The following ZSCAN30 variants were observed in gnomAD, a reference collection of about 807,000 sequenced individuals.
ZSCAN30 encodes zinc finger and SCAN domain containing 30, also known as zinc finger and SCAN domain-containing protein 30.
Under a neutral mutation model 44.3 loss-of-function variants are expected in ZSCAN30, and 37 were observed. The ratio of observed to expected loss-of-function variants is 0.84; its 90% CI spans 0.64 to 1.10. The LOEUF (loss-of-function observed/expected upper bound fraction) is 1.10. ZSCAN30 is among the 50% of genes least tolerant of loss of function. The pLI, the probability that ZSCAN30 is intolerant of heterozygous loss-of-function variation, is 0.00. For missense variants in ZSCAN30, 549 were observed against 582.6 expected, an observed-to-expected ratio of 0.94 and a Z score of 0.59; for synonymous variants, 181 against 204.6, an observed-to-expected ratio of 0.88 and a Z score of 0.98.
rs74677218 is a variant in ZSCAN30, at chr18:35,272,712, T to C, written c.-103-8257A>G. Among the ~76,000 whole-genome samples the C allele has an allele frequency of 8.9e-3, 1,362 of 152,324 alleles. 11 individuals carry two copies. The highest frequency in any genetic ancestry group is 0.014 in the Admixed American group (209 of 15,306). On this transcript the variant is annotated intron_variant, in intron 1 of 3. Coordinates refer to ENST00000333206, the MANE Select transcript of ZSCAN30 (RefSeq NM_001112734.4). ...ATTTACCATTTTAACCATTTTTAAG[T>C]GTACATTTCTGTATTAGTCCGTTTT...
Position 35,254,377 on chromosome 18 carries a change from G to A in ZSCAN30, c.558C>T (p.Gly186=). ...QESQAFQERD[G]RMVAGKVLMA... Reference sequence around the variant, plus strand: ...TCAACACTTTGCCAGCCACCATCCTGCCATCTAAAAATGTGAATAGAAAGT... The same window carrying A: ...TCAACACTTTGCCAGCCACCATCCTACCATCTAAAAATGTGAATAGAAAGT... The change falls in exon 4 of 4, where the codon GGC becomes GGT. Residue 186 remains glycine (G), a synonymous_variant. Transcript: ENST00000333206. The A allele has an allele frequency of 6.2e-7, 1 of 1,613,876 alleles. No individual in the cohort carries two copies. The highest frequency in any genetic ancestry group is 8.5e-7 in the Non-Finnish European group (1 of 1,179,844).
chr18:35,272,425 G>A lies in ZSCAN30; in HGVS notation c.-103-7970C>T, dbSNP rs371099904. 1.9e-3 allele frequency among the ~76,000 whole-genome samples: 277 copies of A among 148,704 alleles called. 2 individuals carry two copies. The highest frequency in any genetic ancestry group is 6.6e-3 in the African/African-American group (266 of 40,388). ...TGCAGTGGCACAATCTCGGCTCACT[G>A]CAACCTCAGCCTCCCAGCTTCAAGC... is the stretch of plus-strand genomic sequence containing the variant. On this transcript the variant is annotated intron_variant, in intron 1 of 3. Transcript: ENST00000333206.
intron 1 of ZSCAN30, chr18:35,267,218 A>C (rs1001310385): frequency 1.3e-5 from 2 of 152,068 alleles, no homozygotes; most frequent in Admixed American, 1.3e-4. Flanking sequence ...CGAGTGTCAG[A>C]CTCCTGAGCC....
At chr18:35,271,235 T>A (rs2044268096) in intron 1 of ZSCAN30, among the ~76,000 whole-genome samples, 1 of 152,208 alleles carries the variant, frequency 6.6e-6, no homozygotes, top group African/African-American at 2.4e-5. Flanking sequence ...CACATCCTAC[T>A]GATTGGTCCA....
rs2043716329 is a variant in ZSCAN30, at chr18:35,254,392, G to C, written c.554-11C>G. The C allele has an allele frequency of 3.0e-5, 49 of 1,613,942 alleles. No homozygotes were observed. Among genetic ancestry groups the C allele is most frequent in the Non-Finnish European group, 4.2e-5 (49 of 1,179,938 alleles). ...CCACCATCCTGCCATCTAAAAATGT[G>C]AATAGAAAGTGTAAGTATCATTTAC... On this transcript the variant is annotated splice_polypyrimidine_tract_variant and intron_variant, in intron 3 of 3. Transcript: ENST00000333206.
At position 35,252,240 on chromosome 18, in the gene ZSCAN30, G is replaced by C. The variant is rs956646746; in HGVS notation, c.*1210C>G. The C allele has an allele frequency of 6.6e-6, 1 of 152,184 alleles. No homozygotes were observed. Among genetic ancestry groups the C allele is most frequent in the African/African-American group, 2.4e-5 (1 of 41,432 alleles). The allele number at this position is 152,184 out of a possible 1,614,324, so 9.4% of individuals were successfully genotyped here. A position where few individuals can be genotyped will look rare whatever the true frequency, so the allele number is the denominator to read the frequency against. On this transcript the variant is annotated 3_prime_UTR_variant, in exon 4 of 4. Transcript: ENST00000333206. Reference sequence around the variant, plus strand: ...AGTACTCAGAATTAGTGTGGTGAGAGACTGGTGCATTTTATGGGAAAAGGC... The same window carrying C: ...AGTACTCAGAATTAGTGTGGTGAGACACTGGTGCATTTTATGGGAAAAGGC...
intron 1 of ZSCAN30, chr18:35,280,926 CA>C (rs1423199639): frequency 6.6e-6 from 1 of 152,156 alleles, no homozygotes; most frequent in African/African-American, 2.4e-5. Context: ...ATTGTTTACA[CA>C]GTCTAAGTAT....
chr18:35,263,862 A>G, intron 2 of ZSCAN30, 83 bp downstream of exon 2: 1 of 1,502,988 alleles, frequency 6.7e-7, no homozygotes, highest in Non-Finnish European at 9.0e-7. Flanking sequence ...ATTCTCTGAG[A>G]GCTGAGTCAA....
intron 3 of ZSCAN30, chr18:35,259,534 G>A (rs1403401359): frequency 6.5e-6 from 1 of 152,994 alleles, no homozygotes; most frequent in Non-Finnish European, 1.5e-5. Context: ...GGTCTGTGTT[G>A]TGTCCTAATC....
intron 1 of ZSCAN30, among the ~76,000 whole-genome samples, chr18:35,278,474 G>C (rs940176214): frequency 6.6e-6 from 1 of 152,112 alleles, no homozygotes; most frequent in East Asian, 1.9e-4. Flanking sequence ...CATACAATTA[G>C]GCACAAGGAT....
At position 35,251,703 on chromosome 18, in the gene ZSCAN30, G is replaced by T. The variant is rs530837960; in HGVS notation, c.*1747C>A. The T allele has an allele frequency of 1.3e-5, 2 of 152,098 alleles. No individual in the cohort carries two copies. Among genetic ancestry groups the T allele is most frequent in the African/African-American group, 4.8e-5 (2 of 41,376 alleles). 9.4% of individuals were successfully genotyped at this position (152,098 alleles called of 1,614,324 possible). A position where few individuals can be genotyped will look rare whatever the true frequency, so the allele number is the denominator to read the frequency against. ...CCCCTGCACTCTCTCTTGCCACCTT[G>T]TGAAGAAGGTGCTTGCTTCCCCTTC... On this transcript the variant is annotated 3_prime_UTR_variant, in exon 4 of 4. Transcript: ENST00000333206.
At chr18:35,259,895 G>A (rs1335040807) in intron 3 of ZSCAN30, among the ~76,000 whole-genome samples, 2 of 152,238 alleles carry the variant, frequency 1.3e-5, no homozygotes, top group Non-Finnish European at 1.5e-5. Context: ...CAGGATGCAT[G>A]TGCAGGACAT....
chr18:35,273,925 A>G (rs2044326777), intron 1 of ZSCAN30, among the ~76,000 whole-genome samples: 1 of 152,170 alleles, frequency 6.6e-6, no homozygotes, highest in Admixed American at 6.5e-5. Context: ...TCTATCGTCA[A>G]TTGTTTCTGC....
chr18:35,253,863 CATAG>C lies in ZSCAN30; in HGVS notation c.1068_1071del (p.Tyr357AsnfsTer192), dbSNP rs748949057. 1 of 1,614,074 alleles carries C rather than the reference CATAG, an allele frequency of 6.2e-7. No individual in the cohort carries two copies. Among genetic ancestry groups the C allele is most frequent in the African/African-American group, 1.3e-5 (1 of 74,920 alleles). On this transcript the variant is annotated frameshift_variant, in exon 4 of 4. Coordinates refer to ENST00000333206, the MANE Select transcript of ZSCAN30 (RefSeq NM_001112734.4). LOFTEE classifies it high-confidence loss of function. ...AAGGCTTTTCCACATTCACAACATT[CATAG>C]GGTTTTTCACCACTATGAATTCTCT...
intron 1 of ZSCAN30, among the ~76,000 whole-genome samples, chr18:35,288,898 T>TA (rs1399144882): frequency 6.6e-6 from 1 of 152,212 alleles, no homozygotes; most frequent in Non-Finnish European, 1.5e-5. Flanking sequence ...TAACAAGCCT[T>TA]ATCAAATTAT....
rs2044095230 is a variant in ZSCAN30, at chr18:35,264,107, G to A, written c.246C>T (p.His82=). 1 of 1,614,112 alleles carries A rather than the reference G, an allele frequency of 6.2e-7. No homozygotes were observed. Among genetic ancestry groups the A allele is most frequent in the Non-Finnish European group, 8.5e-7 (1 of 1,179,954 alleles). Residue 82 remains histidine (H), a synonymous_variant, in exon 2 of 4, where the codon CAC becomes CAT. Coordinates refer to ENST00000333206, the MANE Select transcript of ZSCAN30 (RefSeq NM_001112734.4). ...LCCQWLRPEV[H]SKEQILELLM... ...GCAGCTCCAGGATCTGCTCCTTGGA[G>A]TGCACCTCCGGCCTCAACCACTGAC...
At chr18:35,271,113 G>A (rs929128269) in intron 1 of ZSCAN30, among the ~76,000 whole-genome samples, 2 of 152,216 alleles carry the variant, frequency 1.3e-5, no homozygotes, top group Non-Finnish European at 2.9e-5. Context: ...GTGAACAGCA[G>A]CAAGATTTAT....
rs1169194137 is a variant in ZSCAN30, at chr18:35,254,378, C to T, written c.557G>A (p.Gly186Asp). 3 of 1,613,936 alleles carry T rather than the reference C, an allele frequency of 1.9e-6. No homozygotes were observed. The highest frequency in any genetic ancestry group is 1.3e-5 in the African/African-American group (1 of 75,046). ...CAACACTTTGCCAGCCACCATCCTGCCATCTAAAAATGTGAATAGAAAGTG... is the reference window on the plus strand; with the variant it reads ...CAACACTTTGCCAGCCACCATCCTGTCATCTAAAAATGTGAATAGAAAGTG... Reference protein sequence around the residue: ...QESQAFQERDGRMVAGKVLMA... With the variant: ...QESQAFQERDDRMVAGKVLMA... The change falls in exon 4 of 4, where the codon GGC becomes GAC. Residue 186 changes from glycine (G) to aspartate (D), a missense_variant. Physicochemically the swap from Gly to Asp is moderately conservative, Grantham distance 94. Transcript: ENST00000333206.
intron 1 of ZSCAN30, among the ~76,000 whole-genome samples, chr18:35,278,359 C>T (rs977230601): frequency 2.6e-5 from 4 of 152,180 alleles, no homozygotes; most frequent in Admixed American, 6.5e-5. Flanking sequence ...AGTTGGACAG[C>T]TTTTCTTCTT....
Sources: gnomAD v4.1 joint callset for allele counts (sites outside exome capture counted in the v4.1 genomes callset) on GRCh38, gnomAD v4.1.1 for gene constraint, MANE v1.5 for transcripts, NCBI Gene and HGNC (gene_info 2026-07-23, HGNC 2026-07-21) for gene names.